Variants in ATP6V1E2 observed in about 807,000 individuals in gnomAD.
ATP6V1E2 encodes the protein ATPase H+ transporting V1 subunit E2.
For missense variants in ATP6V1E2, 308 were observed against 273.3 expected, an observed-to-expected ratio of 1.13 and a Z score of -0.90; for synonymous variants, 121 against 104.2, an observed-to-expected ratio of 1.16 and a Z score of -0.98.
intron 4 of ATP6V1E2, among the ~76,000 whole-genome samples, chr2:46,525,484 A>AAAAAAAAAAAAAAAG (rs1420336137): frequency 1.3e-5 from 2 of 148,836 alleles, no homozygotes; most frequent in African/African-American, 5.0e-5. Context: ...AAAGAAAAAA[A>AAAAAAAAAAAAAAAG]AAAAAGAAAG....
At chr2:46,513,338 T>C (rs1344067984) in intron 4 of ATP6V1E2, among the ~76,000 whole-genome samples, 1 of 152,140 alleles carries the variant, frequency 6.6e-6, no homozygotes, top group Non-Finnish European at 1.5e-5. Context: ...TAACCTAACA[T>C]GAGATTCATC....
chr2:46,520,295 G>A (rs1395177658), intron 4 of ATP6V1E2, among the ~76,000 whole-genome samples: 1 of 152,234 alleles, frequency 6.6e-6, no homozygotes, highest in African/African-American at 2.4e-5. Flanking sequence ...CTGGGATGGA[G>A]ATTATGAGCC....
chr2:46,540,606 T>A (rs1264078048), intron 2 of ATP6V1E2, among the ~76,000 whole-genome samples: 1 of 135,488 alleles, frequency 7.4e-6, no homozygotes, highest in Admixed American at 7.9e-5. Context: ...GAGAGCTTTT[T>A]CTGTAACTTT....
chr2:46,526,078 A>C (rs1195935442), intron 4 of ATP6V1E2, among the ~76,000 whole-genome samples: 6 of 152,142 alleles, frequency 3.9e-5, no homozygotes, highest in Admixed American at 2.0e-4. Context: ...GTACATAACA[A>C]ATTTTGCCAT....
At chr2:46,521,276 C>T (rs543884544) in intron 4 of ATP6V1E2, among the ~76,000 whole-genome samples, 1 of 152,224 alleles carries the variant, frequency 6.6e-6, no homozygotes, top group East Asian at 1.9e-4. Context: ...CCCACATGAG[C>T]TTGTGAGTAT....
chr2:46,540,021 C>G (rs1667649345), intron 2 of ATP6V1E2, among the ~76,000 whole-genome samples: 1 of 152,196 alleles, frequency 6.6e-6, no homozygotes, highest in South Asian at 2.1e-4. Flanking sequence ...GGAATAAAAT[C>G]TGGCATCTAA....
chr2:46,522,395 C>G (rs1558660730), intron 4 of ATP6V1E2, among the ~76,000 whole-genome samples: 1 of 151,892 alleles, frequency 6.6e-6, no homozygotes, highest in African/African-American at 2.4e-5. Context: ...CCTCCCCTAA[C>G]CCCCACCCCC....
At chr2:46,533,375 T>G (rs1292715809) in intron 4 of ATP6V1E2, among the ~76,000 whole-genome samples, 3 of 152,022 alleles carry the variant, frequency 2.0e-5, no homozygotes, top group African/African-American at 7.3e-5. Context: ...TGGGCTCAAG[T>G]GATCTTTCCA....
Position 46,512,111 on chromosome 2 carries a change from C to G in ATP6V1E2, c.601G>C (p.Asp201His), listed in dbSNP as rs1167727141. Residue 201 changes from aspartate (D) to histidine (H), a missense_variant, in exon 5 of 5, where the codon GAT becomes CAT. By Grantham distance (81) the Asp-to-His change is moderately conservative (BLOSUM62 -1). Transcript: ENST00000522587. Reference protein sequence around the residue: ...KVSNTLESRLDLSAKQKMPEI... With the variant: ...KVSNTLESRLHLSAKQKMPEI... ...GGCATCTTTTGCTTGGCTGAGAGATCCAGTCGGCTTTCCAAGGTATTTGAA... is the reference window on the plus strand; with the variant it reads ...GGCATCTTTTGCTTGGCTGAGAGATGCAGTCGGCTTTCCAAGGTATTTGAA... The G allele has an allele frequency of 1.9e-6, 3 of 1,613,994 alleles. No homozygotes were observed. The African/African-American group carries it at 4.0e-5, about 22-fold the overall frequency.
At chr2:46,526,313 C>A (rs937906496) in intron 4 of ATP6V1E2, among the ~76,000 whole-genome samples, 5 of 152,090 alleles carry the variant, frequency 3.3e-5, no homozygotes, top group African/African-American at 1.2e-4. Flanking sequence ...TGGGTTTTCA[C>A]CATGTTAGCC....
rs1440080470 is a variant in ATP6V1E2, at chr2:46,535,130, A to G, written c.-102+683T>C. On this transcript the variant is annotated intron_variant, in intron 4 of 4. Coordinates refer to ENST00000522587, the MANE Select transcript of ATP6V1E2 (RefSeq NM_001318063.2). The surrounding 1 kb of genome is among the most constrained non-coding windows in gnomAD (Gnocchi z 4.4). ...CATTTTTCAGCAGAAAGTTAGAGTG[A>G]TAGGGTTTGCCCCATTTGTTCCCTA... 2.0e-5 allele frequency: 3 copies of G among 152,210 alleles called. No homozygotes were observed. The highest frequency in any genetic ancestry group is 7.2e-5 in the African/African-American group (3 of 41,444). 9.4% of individuals were successfully genotyped at this position (152,210 alleles called of 1,614,324 possible). A position where few individuals can be genotyped will look rare whatever the true frequency, so the allele number is the denominator to read the frequency against.
At chr2:46,522,699 A>G (rs2103868800) in intron 4 of ATP6V1E2, among the ~76,000 whole-genome samples, 1 of 152,358 alleles carries the variant, frequency 6.6e-6, no homozygotes, top group East Asian at 1.9e-4. Flanking sequence ...TGCAATAAAC[A>G]TACATGTGCA....
intron 4 of ATP6V1E2, among the ~76,000 whole-genome samples, chr2:46,529,847 T>C (rs1351681863): frequency 5.3e-5 from 8 of 152,144 alleles, no homozygotes; most frequent in Non-Finnish European, 1.2e-4. Flanking sequence ...GTTTCCCCAA[T>C]AGACTCTCAA....
Position 46,512,161 on chromosome 2 carries a change from T to A in ATP6V1E2, c.551A>T (p.Tyr184Phe). Reference sequence around the variant, plus strand: ...AACCTTTATTCTCTGATTGCCACTGTAGACCTCCACACCTCCAGCTGCATT... The same window carrying A: ...AACCTTTATTCTCTGATTGCCACTGAAGACCTCCACACCTCCAGCTGCATT... The part of the protein sequence containing the change: ...AVNAAGGVEV[Y>F]SGNQRIKVSN... Residue 184 changes from tyrosine to phenylalanine, a missense_variant, in exon 5 of 5, where the codon TAC becomes TTC. By Grantham distance (22) the Tyr-to-Phe change is conservative. Transcript: ENST00000522587. The A allele has an allele frequency of 6.2e-7, 1 of 1,614,218 alleles. No individual in the cohort carries two copies. Among genetic ancestry groups the A allele is most frequent in the Non-Finnish European group, 8.5e-7 (1 of 1,180,034 alleles).
intron 4 of ATP6V1E2, among the ~76,000 whole-genome samples, chr2:46,526,966 G>A (rs186514063): frequency 8.1e-4 from 123 of 152,246 alleles, no homozygotes; most frequent in African/African-American, 2.5e-3. Flanking sequence ...CATTTTCCCC[G>A]GCAGCCGCAC....
At chr2:46,538,389 G>A (rs1667555548) in intron 2 of ATP6V1E2, among the ~76,000 whole-genome samples, 2 of 152,094 alleles carry the variant, frequency 1.3e-5, no homozygotes, top group African/African-American at 4.8e-5. Flanking sequence ...TGTGTGATCT[G>A]GGGCAAGCTT....
intron 4 of ATP6V1E2, among the ~76,000 whole-genome samples, chr2:46,533,300 G>C (rs1014649032): frequency 2.0e-5 from 3 of 151,898 alleles, no homozygotes; most frequent in Non-Finnish European, 4.4e-5. Flanking sequence ...TTGAGACATG[G>C]TCTGGCTCTA....
intron 4 of ATP6V1E2, among the ~76,000 whole-genome samples, chr2:46,521,059 T>A (rs1210874699): frequency 6.6e-6 from 1 of 152,182 alleles, no homozygotes; most frequent in Non-Finnish European, 1.5e-5. Flanking sequence ...GGTGATTGTA[T>A]ATCTGTGGGC....
chr2:46,540,470 A>C lies in ATP6V1E2; in HGVS notation c.-310+920T>G, dbSNP rs113847858. Among the ~76,000 whole-genome samples, 473 of 151,498 alleles carry C rather than the reference A, an allele frequency of 3.1e-3. 4 individuals carry two copies. The highest frequency in any genetic ancestry group is 0.011 in the African/African-American group (449 of 41,316). The stretch of plus-strand genomic sequence containing the variant: ...AAAAAAGAAAGAAAAAGAAAAAGAA[A>C]TTTCACTGTTCTCACACAGACCTGT... On this transcript the variant is annotated intron_variant, in intron 2 of 4. Transcript: ENST00000522587.
Sources: gnomAD v4.1 joint callset for allele counts (sites outside exome capture counted in the v4.1 genomes callset) on GRCh38, gnomAD v4.1.1 for gene constraint, Gnocchi (gnomAD v3.1) non-coding constraint, MANE v1.5 for transcripts, NCBI Gene and HGNC (gene_info 2026-07-23, HGNC 2026-07-21) for gene names.